ANKRD13B: variants seen among roughly 807,000 people sequenced by gnomAD.
ANKRD13B encodes ankyrin repeat domain-containing protein 13B.
ANKRD13B carries 33 observed loss-of-function variants against 74.4 expected under a neutral mutation model. The observed-to-expected ratio is 0.44, with a 90% CI of 0.34 to 0.59. The LOEUF (loss-of-function observed/expected upper bound fraction) is 0.59. Ranked by LOEUF, ANKRD13B falls within the 20% of genes least tolerant of loss-of-function variation. ANKRD13B has a pLI of 0.02. For missense variants in ANKRD13B, 676 were observed against 877.9 expected, an observed-to-expected ratio of 0.77 and a Z score of 2.91; for synonymous variants, 341 against 362.9, an observed-to-expected ratio of 0.94 and a Z score of 0.68.
Position 29,611,316 on chromosome 17 carries a change from C to T in ANKRD13B, c.905-263C>T, listed in dbSNP as rs1459982052. On this transcript the variant is annotated intron_variant, in intron 8 of 14. Transcript: ENST00000394859. The surrounding 1 kb of genome is among the most constrained non-coding windows in gnomAD (Gnocchi z 4.3). ...CGTTTTACTGTCCAGGGTCACCGAG[C>T]TGGAGAGGAGCACTTTTGGAAGTTG... Among the ~76,000 whole-genome samples, 1 of 152,220 alleles carries T rather than the reference C, an allele frequency of 6.6e-6. No individual in the cohort carries two copies. Among genetic ancestry groups the T allele is most frequent in the Non-Finnish European group, 1.5e-5 (1 of 68,028 alleles).
intron 1 of ANKRD13B, 160 bp downstream of exon 1, chr17:29,593,895 A>ATGGGAGCTGGCCCTGCCCGC: frequency 3.2e-6 from 1 of 315,504 alleles, no homozygotes; most frequent in East Asian, 5.6e-5. Flanking sequence ...GGAAAGGGTG[A>ATGGGAGCTGGCCCTGCCCGC]TCCCCTCCGG....
At chr17:29,613,049 C>T (rs2034656229) in intron 14 of ANKRD13B, 86 bp downstream of exon 14, 7 of 1,501,672 alleles carry the variant, frequency 4.7e-6, no homozygotes, top group Non-Finnish European at 5.4e-6. Flanking sequence ...CCCGCGGGGC[C>T]CTCGGCAGGG....
Position 29,608,755 on chromosome 17 carries a change from T to C in ANKRD13B, c.422-96T>C. 1 of 1,509,748 alleles carries C rather than the reference T, an allele frequency of 6.6e-7. No homozygotes were observed. The highest frequency in any genetic ancestry group is 1.3e-5 in the South Asian group (1 of 79,672). 93.5% of individuals were successfully genotyped at this position (1,509,748 alleles called of 1,614,324 possible). ...CTCTCTCTTCAGTTCCCTCCCCTGT[T>C]CCTGGCCACACGGATCCCAAACCCC... On this transcript the variant is annotated intron_variant, in intron 4 of 14. Transcript: ENST00000394859. This position sits in a 1 kb window ranked among gnomAD's most constrained non-coding sequence, Gnocchi z 6.4.
At chr17:29,600,010 G>A (rs1301807165) in intron 1 of ANKRD13B, among the ~76,000 whole-genome samples, 1 of 151,074 alleles carries the variant, frequency 6.6e-6, no homozygotes, top group Non-Finnish European at 1.5e-5. Flanking sequence ...CCGAGTAGCT[G>A]TGACTACAGG....
chr17:29,612,882 C>T lies in ANKRD13B; in HGVS notation c.1576-5C>T, dbSNP rs367551105. ...GCCACGGCTAACGCCCACGCCTCCC[C>T]GCAGGTCACCATCTGGGAGGCGCTA... On this transcript the variant is annotated splice_region_variant and splice_polypyrimidine_tract_variant and intron_variant, in intron 13 of 14. Transcript: ENST00000394859. The surrounding 1 kb of genome is among the most constrained non-coding windows in gnomAD (Gnocchi z 6.1). The T allele has an allele frequency of 6.3e-7, 1 of 1,599,242 alleles. No homozygotes were observed. Among genetic ancestry groups the T allele is most frequent in the East Asian group, 2.2e-5 (1 of 44,820 alleles).
rs978322220 is a variant in ANKRD13B at position 29,593,828 on chromosome 17, CT to C, written c.114+94del. 83 of 689,042 alleles carry C rather than the reference CT, an allele frequency of 1.2e-4. No individual in the cohort carries two copies. In the Middle Eastern group the frequency reaches 2.6e-3, roughly 22 times the overall value. 42.7% of individuals were successfully genotyped at this position (689,042 alleles called of 1,614,324 possible). A position where few individuals can be genotyped will look rare whatever the true frequency, so the allele number is the denominator to read the frequency against. ...GTGCGGCGCGGGCTGTCCCGCCTCC[CT>C]GGCGAGTTTGCGGCGCGTCTTTGTT... On this transcript the variant is annotated intron_variant, in intron 1 of 14. Transcript: ENST00000394859.
In ANKRD13B at chr17:29,611,717, G is replaced by T; in HGVS notation, c.969+74G>T. On this transcript the variant is annotated intron_variant, in intron 9 of 14. Coordinates refer to ENST00000394859, the MANE Select transcript of ANKRD13B (RefSeq NM_152345.5). The surrounding 1 kb of genome is among the most constrained non-coding windows in gnomAD (Gnocchi z 4.3). ...CAGGAGGAGGCTTGGGAAGCGTCCT[G>T]CTTAGCATGGCCTATGTGGACCTCC... is the stretch of plus-strand genomic sequence containing the variant. 6.3e-7 allele frequency: 1 copy of T among 1,585,820 alleles called. No individual in the cohort carries two copies. The highest frequency in any genetic ancestry group is 2.2e-5 in the East Asian group (1 of 44,508).
In ANKRD13B at chr17:29,612,979, G is replaced by A. The variant is rs780231350; in HGVS notation, c.1652+16G>A. The A allele has an allele frequency of 1.3e-6, 2 of 1,593,876 alleles. No individual in the cohort carries two copies. Among genetic ancestry groups the A allele is most frequent in the South Asian group, 2.2e-5 (2 of 90,278 alleles). On this transcript the variant is annotated intron_variant, in intron 14 of 14. Transcript: ENST00000394859. This position sits in a 1 kb window ranked among gnomAD's most constrained non-coding sequence, Gnocchi z 6.1. Reference sequence around the variant, plus strand: ...GACAGGACAGGTCAGTGCCCGCTGGGCCGGAGAGAATCCTCCGGAGAGGAT... The same window carrying A: ...GACAGGACAGGTCAGTGCCCGCTGGACCGGAGAGAATCCTCCGGAGAGGAT...
chr17:29,611,630 G>A lies in ANKRD13B; in HGVS notation c.956G>A (p.Gly319Asp). Residue 319 changes from glycine to aspartate, a missense_variant, in exon 9 of 15, where the codon GGC (glycine) becomes GAC (aspartate). Gly to Asp is a moderately conservative substitution (Grantham distance 94). Around this residue, in one of 4 missense-constraint regions of ANKRD13B, gnomAD observed 328 missense variants for 518.4 expected, o/e 0.63. Transcript: ENST00000394859. This position sits in a 1 kb window ranked among gnomAD's most constrained non-coding sequence, Gnocchi z 4.3. The stretch of plus-strand genomic sequence containing the variant: ...CTGGGAATCGCTGAGCAGCACGGGG[G>A]CCCCCAAAATGGGGTGAGTGTGTGC... ...SFLGIAEQHG[G>D]PQNGTLITQT... The A allele has an allele frequency of 1.9e-6, 3 of 1,614,190 alleles. No homozygotes were observed. Among genetic ancestry groups the A allele is most frequent in the Non-Finnish European group, 2.5e-6 (3 of 1,180,012 alleles).
In ANKRD13B at chr17:29,609,022, T is replaced by C; in HGVS notation, c.565+28T>C. 1.2e-6 allele frequency: 2 copies of C among 1,613,596 alleles called. No homozygotes were observed. The highest frequency in any genetic ancestry group is 8.5e-7 in the Non-Finnish European group (1 of 1,179,966). On this transcript the variant is annotated intron_variant, in intron 5 of 14. Transcript: ENST00000394859. This position sits in a 1 kb window ranked among gnomAD's most constrained non-coding sequence, Gnocchi z 4.0. ...CAGGCAGGCAGGAAGTGGGGCAGGGTGGGGACGATGGGAGGCAGCCCCAGG... is the reference window on the plus strand; with the variant it reads ...CAGGCAGGCAGGAAGTGGGGCAGGGCGGGGACGATGGGAGGCAGCCCCAGG...
intron 1 of ANKRD13B, among the ~76,000 whole-genome samples, chr17:29,600,256 G>T (rs1478512226): frequency 6.6e-6 from 1 of 152,154 alleles, no homozygotes; most frequent in African/African-American, 2.4e-5. Context: ...CTGGCTGTTG[G>T]GTCATATTTA....
chr17:29,598,307 G>A (rs2034031545), intron 1 of ANKRD13B, among the ~76,000 whole-genome samples: 1 of 152,118 alleles, frequency 6.6e-6, no homozygotes, highest in African/African-American at 2.4e-5. Context: ...TATTTAAAAT[G>A]TTTCATTTTT....
Position 29,608,891 on chromosome 17 carries a change from AGT to A in ANKRD13B, c.466_467del (p.Trp156GlufsTer16). On this transcript the variant is annotated frameshift_variant, in exon 5 of 15. Transcript: ENST00000394859. LOFTEE classifies it high-confidence loss of function. This position sits in a 1 kb window ranked among gnomAD's most constrained non-coding sequence, Gnocchi z 6.4. ...AGATCTGCCCTAGTGACACCTACAA[AGT>A]GTGGAAGAGCGGCCAGAACCTGAGG... ...SKICPSDTYK[V>X]WKSGQNLRVD... The A allele has an allele frequency of 6.2e-7, 1 of 1,614,114 alleles. No individual in the cohort carries two copies. The highest frequency in any genetic ancestry group is 8.5e-7 in the Non-Finnish European group (1 of 1,180,020).
chr17:29,594,734 T>C (rs1333760403), intron 1 of ANKRD13B, among the ~76,000 whole-genome samples: 1 of 152,214 alleles, frequency 6.6e-6, no homozygotes, highest in East Asian at 1.9e-4. Context: ...GGACTGGGTC[T>C]GAGACCTTGG....
At chr17:29,598,123 G>GTCCA (rs963871872) in intron 1 of ANKRD13B, among the ~76,000 whole-genome samples, 3 of 152,084 alleles carry the variant, frequency 2.0e-5, no homozygotes, top group African/African-American at 7.2e-5. Flanking sequence ...AAGCCCCGGA[G>GTCCA]TCCAGCCCAA....
At position 29,608,588 on chromosome 17, in the gene ANKRD13B, G is replaced by GA; in HGVS notation, c.422-260dup. Reference sequence around the variant, plus strand: ...ATAAATATTTGTTGAAAGAATGGATGAAAGAGTGAGTGAGTGAATTAACAA... The same window carrying GA: ...ATAAATATTTGTTGAAAGAATGGATGAAAAGAGTGAGTGAGTGAATTAACAA... On this transcript the variant is annotated intron_variant, in intron 4 of 14. Coordinates refer to ENST00000394859, the MANE Select transcript of ANKRD13B (RefSeq NM_152345.5). This position sits in a 1 kb window ranked among gnomAD's most constrained non-coding sequence, Gnocchi z 6.4. The GA allele has an allele frequency of 1.7e-6, 1 of 579,552 alleles. No homozygotes were observed. The highest frequency in any genetic ancestry group is 2.2e-5 in the South Asian group (1 of 44,560). The allele number at this position is 579,552 out of a possible 1,614,324, so 35.9% of individuals were successfully genotyped here.
chr17:29,607,063 C>CA (rs34261270), intron 1 of ANKRD13B, among the ~76,000 whole-genome samples: 4,875 of 150,084 alleles, frequency 0.032, 88 homozygotes, highest in Non-Finnish European at 0.038. Context: ...AAAAAAAACA[C>CA]AAAAAAAAAC....
chr17:29,607,593 G>A (rs1482539229), intron 1 of ANKRD13B, 149 bp from the exon 2 acceptor site: 76 of 1,096,172 alleles, frequency 6.9e-5, no homozygotes, highest in Non-Finnish European at 1.0e-5. Context: ...TGCCCATAGT[G>A]TCTGTCTTTC....
At chr17:29,601,845 T>A (rs990306216) in intron 1 of ANKRD13B, among the ~76,000 whole-genome samples, 1 of 152,234 alleles carries the variant, frequency 6.6e-6, no homozygotes, top group Admixed American at 6.5e-5. Context: ...CATTATATTG[T>A]TTCCTGGCTT....
Sources: gnomAD v4.1 joint callset for allele counts (sites outside exome capture counted in the v4.1 genomes callset) on GRCh38, gnomAD v4.1.1 for gene constraint, gnomAD v4.1.1 regional missense constraint, Gnocchi (gnomAD v3.1) non-coding constraint, MANE v1.5 for transcripts, NCBI Gene and HGNC (gene_info 2026-07-23, HGNC 2026-07-21) for gene names.